The following ADAMTS12 variants were observed in gnomAD, a reference collection of about 807,000 sequenced individuals.
The protein encoded by ADAMTS12 is ADAM metallopeptidase with thrombospondin type 1 motif 12, also known as A disintegrin and metalloproteinase with thrombospondin motifs 12.
In ADAMTS12, 118 loss-of-function variants were observed where a neutral mutation model predicts 167.8. The ratio of observed to expected loss-of-function variants is 0.70; its 90% CI spans 0.61 to 0.82. The LOEUF (loss-of-function observed/expected upper bound fraction) is 0.82. Ranked by LOEUF, ADAMTS12 falls within the 40% of genes least tolerant of loss-of-function variation. ADAMTS12 has a pLI of 0.00. For synonymous variants in ADAMTS12, 704 were observed against 716.9 expected (o/e 0.98, Z 0.29); for missense variants, 1,916 against 1,998.8 (o/e 0.96, Z 0.79).
At position 33,637,559 on chromosome 5, in the gene ADAMTS12, A is replaced by G; in HGVS notation, c.1888+18T>C. On this transcript the variant is annotated intron_variant, in intron 12 of 23. Coordinates refer to ENST00000504830, the MANE Select transcript of ADAMTS12 (RefSeq NM_030955.4). ...TGGCTGTTCCCTAGATCTGAGATACACCATTACAGCTCCTTACCTGGGTTA... is the reference window on the plus strand; with the variant it reads ...TGGCTGTTCCCTAGATCTGAGATACGCCATTACAGCTCCTTACCTGGGTTA... 2 of 1,609,440 alleles carry G rather than the reference A, an allele frequency of 1.2e-6. No individual in the cohort carries two copies. The highest frequency in any genetic ancestry group is 1.7e-6 in the Non-Finnish European group (2 of 1,177,128).
chr5:33,546,938 C>T (rs989536159), intron 21 of ADAMTS12, among the ~76,000 whole-genome samples: 3 of 152,162 alleles, frequency 2.0e-5, no homozygotes, highest in African/African-American at 7.2e-5. Flanking sequence ...GGCTGTCTTG[C>T]AAACATCATG....
intron 22 of ADAMTS12, among the ~76,000 whole-genome samples, chr5:33,541,175 CT>C (rs1449435416): frequency 2.0e-5 from 3 of 152,144 alleles, no homozygotes; most frequent in African/African-American, 7.2e-5. Flanking sequence ...GGCATCAGAA[CT>C]TCGTGACGCA....
At chr5:33,659,545 C>T (rs190933065) in intron 6 of ADAMTS12, among the ~76,000 whole-genome samples, 1 of 152,120 alleles carries the variant, frequency 6.6e-6, no homozygotes, top group Non-Finnish European at 1.5e-5. Flanking sequence ...GGAGGTCAGG[C>T]ACATTAAATA....
chr5:33,603,775 T>C (rs1052016422), intron 16 of ADAMTS12: 2 of 111,566 alleles, frequency 1.8e-5, no homozygotes, highest in Admixed American at 1.7e-4. Flanking sequence ...AACAACATCT[T>C]AGTGAATTTA....
intron 16 of ADAMTS12, among the ~76,000 whole-genome samples, chr5:33,611,085 A>G (rs1383484070): frequency 1.3e-5 from 2 of 152,122 alleles, no homozygotes; most frequent in African/African-American, 4.8e-5. Flanking sequence ...ATCAATGTGG[A>G]TTTACCTCAA....
At position 33,614,287 on chromosome 5, in the gene ADAMTS12, G is replaced by A. The variant is rs757532158; in HGVS notation, c.2478C>T (p.Tyr826=). The A allele has an allele frequency of 1.2e-6, 2 of 1,614,138 alleles. No individual in the cohort carries two copies. Among genetic ancestry groups the A allele is most frequent in the Non-Finnish European group, 1.7e-6 (2 of 1,180,000 alleles). The change falls in exon 16 of 24, where the codon TAC becomes TAT. Residue 826 remains tyrosine (Y), a synonymous_variant. Transcript: ENST00000504830. ...CTGTCCAGTGGCCGTACTGCCAGAA[G>A]TACATCTGCTGCTCAACATCATTGT... ...GLDNDVEQQM[Y]FWQYGHWTEC...
At chr5:33,793,993 C>A (rs918930052) in intron 2 of ADAMTS12, among the ~76,000 whole-genome samples, 1 of 152,180 alleles carries the variant, frequency 6.6e-6, no homozygotes, top group African/African-American at 2.4e-5. Flanking sequence ...ATTCCTCCTC[C>A]CCGTGGAGTT....
chr5:33,800,668 C>A (rs1394172593), intron 2 of ADAMTS12, among the ~76,000 whole-genome samples: 1 of 152,016 alleles, frequency 6.6e-6, no homozygotes, highest in Non-Finnish European at 1.5e-5. Flanking sequence ...CAAGCTTCAC[C>A]AGACTAAGGA....
At chr5:33,761,200 G>A (rs1189708603) in intron 2 of ADAMTS12, among the ~76,000 whole-genome samples, 7 of 152,162 alleles carry the variant, frequency 4.6e-5, no homozygotes, top group Non-Finnish European at 8.8e-5. Flanking sequence ...ATCCTTCACC[G>A]GAAGGACATA....
intron 7 of ADAMTS12, among the ~76,000 whole-genome samples, chr5:33,651,985 G>T (rs1740882251): frequency 6.6e-6 from 1 of 152,084 alleles, no homozygotes; most frequent in African/African-American, 2.4e-5. Context: ...CTTTTTTATG[G>T]CAGTGTAGTA....
At chr5:33,683,392 T>C (rs1742201712) in intron 4 of ADAMTS12, among the ~76,000 whole-genome samples, 1 of 152,202 alleles carries the variant, frequency 6.6e-6, no homozygotes, top group African/African-American at 2.4e-5. Flanking sequence ...CTCAGGCAAA[T>C]ACCTTTTCCC....
In ADAMTS12 at chr5:33,737,493, T is replaced by G. The variant is rs576209560; in HGVS notation, c.634+13911A>C. Among the ~76,000 whole-genome samples, 4 of 152,332 alleles carry G rather than the reference T, an allele frequency of 2.6e-5. No individual in the cohort carries two copies. The South Asian group carries it at 6.2e-4, about 24-fold the overall frequency. Reference sequence around the variant, plus strand: ...AATAAGTAAAAAGAATTCTGGAGATTGGTTGCACAACAATGTGAATATACA... The same window carrying G: ...AATAAGTAAAAAGAATTCTGGAGATGGGTTGCACAACAATGTGAATATACA... On this transcript the variant is annotated intron_variant, in intron 3 of 23. Transcript: ENST00000504830.
chr5:33,540,652 G>T (rs1715981625), intron 22 of ADAMTS12, among the ~76,000 whole-genome samples: 1 of 152,234 alleles, frequency 6.6e-6, no homozygotes, highest in Non-Finnish European at 1.5e-5. Flanking sequence ...TGCAATATTT[G>T]CTGCTCTGCA....
At chr5:33,705,310 T>C in intron 3 of ADAMTS12, among the ~76,000 whole-genome samples, 1 of 151,388 alleles carries the variant, frequency 6.6e-6, no homozygotes, top group Non-Finnish European at 1.5e-5. Flanking sequence ...TGTGCGTGTA[T>C]ACATTCTTTG....
intron 3 of ADAMTS12, among the ~76,000 whole-genome samples, chr5:33,705,259 AT>A (rs576763866): frequency 7.1e-6 from 1 of 141,706 alleles, no homozygotes; most frequent in African/African-American, 2.7e-5. Flanking sequence ...GCCAAGTAGT[AT>A]TCCATGGTGT....
In ADAMTS12 at chr5:33,588,685, G is replaced by A. The variant is rs1747482991; in HGVS notation, c.2779C>T (p.Gln927Ter). Reference protein sequence around the residue: ...DEQALPPTDCQHLLKPKTLLS... With the variant: ...DEQALPPTDC ...AGGGTCTTGGGCTTCAGCAGGTGCTGGCAGTCTGTGGGCGGGAGAGCCTGC... is the reference window on the plus strand; with the variant it reads ...AGGGTCTTGGGCTTCAGCAGGTGCTAGCAGTCTGTGGGCGGGAGAGCCTGC... Residue 927 changes from glutamine to a stop codon, truncating the protein, a stop_gained, in exon 18 of 24, where the codon CAG becomes TAG. Coordinates refer to ENST00000504830, the MANE Select transcript of ADAMTS12 (RefSeq NM_030955.4). LOFTEE classifies it high-confidence loss of function. 1 of 1,614,124 alleles carries A rather than the reference G, an allele frequency of 6.2e-7. No individual in the cohort carries two copies. The highest frequency in any genetic ancestry group is 8.5e-7 in the Non-Finnish European group (1 of 1,180,034).
In ADAMTS12 at chr5:33,588,712, C is replaced by T. The variant is rs768132388; in HGVS notation, c.2752G>A (p.Glu918Lys). 3 of 1,613,900 alleles carry T rather than the reference C, an allele frequency of 1.9e-6. No individual in the cohort carries two copies. The highest frequency in any genetic ancestry group is 1.3e-5 in the African/African-American group (1 of 74,888). ...VLCIQTMVSD[E>K]QALPPTDCQH... ...CAGTCTGTGGGCGGGAGAGCCTGCT[C>T]GTCAGAGACCATGGTCTGGATGCAC... Residue 918 changes from glutamate to lysine, a missense_variant, in exon 18 of 24, where the codon GAG becomes AAG. By Grantham distance (56) the Glu-to-Lys change is moderately conservative. Transcript: ENST00000504830.
Position 33,835,100 on chromosome 5 carries a change from T to C in ADAMTS12, c.489+46019A>G, listed in dbSNP as rs570459101. On this transcript the variant is annotated intron_variant, in intron 2 of 23. Coordinates refer to ENST00000504830, the MANE Select transcript of ADAMTS12 (RefSeq NM_030955.4). ...TTAAACTTCAGGACAACCCATGAAATTGAATCTGTTTTTAGAAATGAGGAA... is the reference window on the plus strand; with the variant it reads ...TTAAACTTCAGGACAACCCATGAAACTGAATCTGTTTTTAGAAATGAGGAA... 1.2e-4 allele frequency among the ~76,000 whole-genome samples: 18 copies of C among 152,294 alleles called. No homozygotes were observed. The South Asian group carries it at 1.5e-3, about 12-fold the overall frequency.
At chr5:33,619,791 T>A (rs999675383) in intron 14 of ADAMTS12, among the ~76,000 whole-genome samples, 2 of 151,970 alleles carry the variant, frequency 1.3e-5, no homozygotes, top group African/African-American at 4.8e-5. Context: ...GCCTCTTGGG[T>A]TCAAGCGATT....
Sources: gnomAD v4.1 joint callset for allele counts (sites outside exome capture counted in the v4.1 genomes callset) on GRCh38, gnomAD v4.1.1 for gene constraint, MANE v1.5 for transcripts, NCBI Gene and HGNC (gene_info 2026-07-23, HGNC 2026-07-21) for gene names.